MED14: variants seen among roughly 807,000 people sequenced by gnomAD.
MED14 encodes the protein mediator complex subunit 14, also known as mediator of RNA polymerase II transcription subunit 14.
In MED14, 8 loss-of-function variants were observed where a neutral mutation model predicts 109.0. The observed-to-expected ratio is 0.07, with a 90% CI of 0.04 to 0.13. The LOEUF is 0.13. Ranked by LOEUF, MED14 falls within the 10% of genes least tolerant of loss-of-function variation. The pLI is 1.00. For synonymous variants in MED14, 399 were observed against 408.7 expected, an observed-to-expected ratio of 0.98 and a Z score of 0.29; for missense variants, 711 against 1,142.4, an observed-to-expected ratio of 0.62 and a Z score of 5.44.
At chrX:40,728,051 G>A (rs1462312539) in intron 2 of MED14, among the ~76,000 whole-genome samples, 3 of 111,927 alleles carry the variant, frequency 2.7e-5, no homozygotes, top group Non-Finnish European at 5.6e-5. Flanking sequence ...CTGAGACATA[G>A]CAGAAATGTT....
rs184805157 is a variant in MED14, at chrX:40,649,797, A to C, written c.*2009T>G. 2.0e-4 allele frequency: 164 copies of C among 808,026 alleles called. 1 individual carries two copies. The African/African-American group carries it at 3.6e-3, about 17-fold the overall frequency. 66.6% of individuals were successfully genotyped at this position (808,026 alleles called of 1,213,427 possible). ...TACCAAGCATAATATAAAAATTCAA[A>C]TTCATGGGTTTACTCTTAATAAGCA... On this transcript the variant is annotated 3_prime_UTR_variant, in exon 31 of 31. Coordinates refer to ENST00000324817, the MANE Select transcript of MED14 (RefSeq NM_004229.4).
At chrX:40,672,082 T>C in intron 22 of MED14, 110 bp from the exon 23 acceptor site, 1 of 416,305 alleles carries the variant, frequency 2.4e-6, no homozygotes, top group South Asian at 6.3e-5. Flanking sequence ...CTTTGCTGGT[T>C]ACCAAATAGG....
rs1373745887 is a variant in MED14 at position 40,654,526 on chromosome X, G to A, written c.4129C>T (p.Pro1377Ser). The stretch of plus-strand genomic sequence containing the variant: ...ACTATAATACTAACAGGTTCTTGGG[G>A]AGGGACCGATGTTTTCTGAGTTAGT... ...LQLTQKTSVP[P>S]QEPVSIIVPI... Residue 1377 changes from proline to serine, a missense_variant, in exon 30 of 31, where the codon CCC (proline) becomes TCC (serine). By Grantham distance (74) the Pro-to-Ser change is moderately conservative. Transcript: ENST00000324817. 5 of 1,209,364 alleles carry A rather than the reference G, an allele frequency of 4.1e-6. No individual in the cohort carries two copies. The African/African-American group carries it at 8.8e-5, about 21-fold the overall frequency.
rs184167657 is a variant in MED14, at chrX:40,723,476, G to A, written c.348+3270C>T. Among the ~76,000 whole-genome samples, 753 of 109,294 alleles carry A rather than the reference G, an allele frequency of 6.9e-3. 7 individuals are homozygous for A. The highest frequency in any genetic ancestry group is 0.023 in the African/African-American group (700 of 30,084). 94.9% of individuals were successfully genotyped at this position (109,294 alleles called of 115,157 possible). The stretch of plus-strand genomic sequence containing the variant: ...AGGTCCGAAGTTCAAGACCAGCCCG[G>A]CCAACACGGCGAAACCCCATCTCTA... On this transcript the variant is annotated intron_variant, in intron 3 of 30. Coordinates refer to ENST00000324817, the MANE Select transcript of MED14 (RefSeq NM_004229.4).
intron 15 of MED14, 67 bp downstream of exon 15, chrX:40,692,116 C>A: frequency 9.7e-7 from 1 of 1,033,854 alleles, no homozygotes. Flanking sequence ...CTATATATAC[C>A]CTCAGCAACA....
intron 8 of MED14, 131 bp downstream of exon 8, chrX:40,711,038 G>T: frequency 1.3e-6 from 1 of 746,962 alleles, no homozygotes; most frequent in Non-Finnish European, 1.9e-6. Context: ...GCATATAAGT[G>T]GACCCACACA....
Position 40,654,990 on chromosome X carries a change from G to A in MED14, c.4043C>T (p.Pro1348Leu). ...FCLTIPPSAPPIAPPGTPAVV... is the reference protein window; with the variant it reads ...FCLTIPPSAPLIAPPGTPAVV... ...AGCAGGCGTCCCAGGAGGTGCAATC[G>A]GCGGCGCGCTGGGAGGGATCGTCAG... Residue 1348 changes from proline to leucine, a missense_variant, in exon 29 of 31, where the codon CCG (proline) becomes CTG (leucine). Physicochemically the swap from Pro to Leu is moderately conservative, Grantham distance 98. Coordinates refer to ENST00000324817, the MANE Select transcript of MED14 (RefSeq NM_004229.4). 2 of 1,210,640 alleles carry A rather than the reference G, an allele frequency of 1.7e-6. No individual in the cohort carries two copies. Among genetic ancestry groups the A allele is most frequent in the Non-Finnish European group, 2.2e-6 (2 of 894,664 alleles).
At chrX:40,660,458 G>A (rs1324227379) in intron 26 of MED14, among the ~76,000 whole-genome samples, 1 of 112,176 alleles carries the variant, frequency 8.9e-6, no homozygotes, top group Non-Finnish European at 1.9e-5. Flanking sequence ...TCTGTAAAGT[G>A]TTATATAGAA....
chrX:40,686,797 A>G (rs1420913332), intron 16 of MED14, among the ~76,000 whole-genome samples: 1 of 112,101 alleles, frequency 8.9e-6, no homozygotes, highest in Non-Finnish European at 1.9e-5. Context: ...CTGGGAAACA[A>G]TAAAGTGTAC....
Position 40,651,329 on chromosome X carries a change from C to T in MED14, c.*477G>A, listed in dbSNP as rs1245711819. On this transcript the variant is annotated 3_prime_UTR_variant, in exon 31 of 31. Transcript: ENST00000324817. ...TTGCTTCCTTGGGGTGTGTTTATAA[C>T]AACTCCCAGAACATTTCATGTAAGG... The T allele has an allele frequency of 1.6e-5, 12 of 749,882 alleles. No homozygotes were observed. Among genetic ancestry groups the T allele is most frequent in the Admixed American group, 8.9e-5 (1 of 11,279 alleles). The allele number at this position is 749,882 out of a possible 1,213,427, so 61.8% of individuals were successfully genotyped here. A position where few individuals can be genotyped will look rare whatever the true frequency, so the allele number is the denominator to read the frequency against.
intron 23 of MED14, among the ~76,000 whole-genome samples, chrX:40,667,848 A>G (rs1203535503): frequency 9.0e-6 from 1 of 111,521 alleles, no homozygotes; most frequent in Non-Finnish European, 1.9e-5. Flanking sequence ...AAATTCTGAA[A>G]ATCAAGCTGA....
chrX:40,691,607 CTTT>C (rs36144185), intron 15 of MED14, among the ~76,000 whole-genome samples: 9 of 59,463 alleles, frequency 1.5e-4, no homozygotes, highest in African/African-American at 3.0e-4. Context: ...TTCTTTTAAT[CTTT>C]TTTTTTTTTT....
chrX:40,668,404 A>AT (rs1929594631), intron 23 of MED14, among the ~76,000 whole-genome samples: 2 of 109,052 alleles, frequency 1.8e-5, no homozygotes, highest in South Asian at 7.7e-4. Context: ...AAAAAAAAAA[A>AT]ATCAAAGAAA....
intron 3 of MED14, among the ~76,000 whole-genome samples, chrX:40,716,668 A>G (rs1217932711): frequency 9.0e-6 from 1 of 111,032 alleles, no homozygotes; most frequent in Non-Finnish European, 1.9e-5. Flanking sequence ...GTATATATAT[A>G]TTCAAGAGAA....
At chrX:40,730,264 C>T (rs1320615692) in intron 1 of MED14, among the ~76,000 whole-genome samples, 3 of 111,904 alleles carry the variant, frequency 2.7e-5, no homozygotes, top group East Asian at 2.8e-4. Flanking sequence ...TTAGGGTAGA[C>T]GGTGAGATGG....
chrX:40,733,074 A>C (rs767803129), intron 1 of MED14, among the ~76,000 whole-genome samples: 1 of 110,271 alleles, frequency 9.1e-6, no homozygotes, highest in South Asian at 3.9e-4. Context: ...TTGGACTATA[A>C]ATTTTATGGT....
intron 1 of MED14, among the ~76,000 whole-genome samples, chrX:40,730,123 C>T (rs111300514): frequency 0.022 from 2,444 of 112,183 alleles, 60 homozygotes; most frequent in African/African-American, 0.075. Context: ...GAAGTACACA[C>T]ACCCAGCCAT....
At chrX:40,692,442 T>C (rs748653207) in intron 14 of MED14, 125 bp from the exon 15 acceptor site, 3 of 565,290 alleles carry the variant, frequency 5.3e-6, no homozygotes, top group Non-Finnish European at 8.2e-6. Flanking sequence ...TGTTATTGTA[T>C]TTACTGAGTA....
chrX:40,714,447 A>G (rs921369275), intron 4 of MED14, 90 bp downstream of exon 4: 2 of 968,408 alleles, frequency 2.1e-6, no homozygotes, highest in Non-Finnish European at 2.8e-6. Flanking sequence ...TGTTTTAACA[A>G]TGTTTTTTGC....
Sources: gnomAD v4.1 joint callset for allele counts (sites outside exome capture counted in the v4.1 genomes callset) on GRCh38, gnomAD v4.1.1 for gene constraint, MANE v1.5 for transcripts, NCBI Gene and HGNC (gene_info 2026-07-23, HGNC 2026-07-21) for gene names.